The following SUMF1 variants were observed in gnomAD, a reference collection of about 807,000 sequenced individuals.
SUMF1 encodes formylglycine-generating enzyme.
SUMF1 carries 48 observed loss-of-function variants against 47.6 expected under a neutral mutation model. The ratio of observed to expected loss-of-function variants is 1.01; its 90% CI spans 0.80 to 1.28. The LOEUF is 1.28. Among genes scored for constraint, SUMF1 ranks in the 50% most tolerant of loss-of-function variants. The pLI, the probability that SUMF1 is intolerant of heterozygous loss-of-function variation, is 0.00. For missense variants in SUMF1, 571 were observed against 485.4 expected (o/e 1.18, Z -1.66); for synonymous variants, 230 against 192.1 (o/e 1.20, Z -1.63).
intron 8 of SUMF1, among the ~76,000 whole-genome samples, chr3:4,208,350 T>G (rs549219025): frequency 6.6e-6 from 1 of 152,032 alleles, no homozygotes. Flanking sequence ...ATAGGACTAA[T>G]GTTTTCCCTC....
chr3:4,431,670 C>T (rs1354256851), intron 3 of SUMF1, among the ~76,000 whole-genome samples: 2 of 152,306 alleles, frequency 1.3e-5, no homozygotes, highest in Non-Finnish European at 2.9e-5. Context: ...GGCCCTCTGC[C>T]CTTCACCGGC....
At chr3:4,412,106 ACTG>A (rs1448466638) in intron 6 of SUMF1, among the ~76,000 whole-genome samples, 2 of 152,228 alleles carry the variant, frequency 1.3e-5, no homozygotes, top group African/African-American at 2.4e-5. Context: ...TTCTCACCAC[ACTG>A]CTTCCAAAAT....
At chr3:4,134,718 C>A (rs1693881751) in intron 8 of SUMF1, among the ~76,000 whole-genome samples, 1 of 151,936 alleles carries the variant, frequency 6.6e-6, no homozygotes, top group African/African-American at 2.4e-5. Context: ...AATTGATAGT[C>A]CACTAGCAAG....
In SUMF1 at chr3:4,092,931, C is replaced by T. The variant is rs577279146; in HGVS notation, c.1015-24186G>A. Among the ~76,000 whole-genome samples, 8 of 151,902 alleles carry T rather than the reference C, an allele frequency of 5.3e-5. No homozygotes were observed. In the South Asian group the frequency reaches 1.7e-3, roughly 32 times the overall value. The stretch of plus-strand genomic sequence containing the variant: ...GGTGTGTGCCTTACAATATAGAAAG[C>T]TTTGATAAAAGGAAAAAAAAACAAG... On this transcript the variant is annotated intron_variant and NMD_transcript_variant, in intron 8 of 12. Transcript: ENST00000448413.
chr3:4,424,359 A>G (rs1478954474), intron 3 of SUMF1, among the ~76,000 whole-genome samples: 2 of 152,056 alleles, frequency 1.3e-5, no homozygotes, highest in Non-Finnish European at 2.9e-5. Flanking sequence ...CCCAAAACAC[A>G]CTACTTACTT....
intron 8 of SUMF1, chr3:4,316,080 T>C: frequency 1.8e-6 from 1 of 550,324 alleles, no homozygotes; most frequent in Non-Finnish European, 3.2e-6. Context: ...TAACAGTTTT[T>C]GCATTGTTGG....
chr3:4,336,670 A>C (rs538729680), intron 8 of SUMF1, among the ~76,000 whole-genome samples: 26 of 152,372 alleles, frequency 1.7e-4, no homozygotes, highest in African/African-American at 6.3e-4. Context: ...ATAATTTATT[A>C]ATCAGGTCAT....
intron 8 of SUMF1, among the ~76,000 whole-genome samples, chr3:4,206,816 T>C (rs1353518953): frequency 6.6e-6 from 1 of 152,116 alleles, no homozygotes; most frequent in Non-Finnish European, 1.5e-5. Flanking sequence ...ATTCTTTTTT[T>C]TTTAAATTTT....
chr3:4,090,401 G>C (rs1692760447), intron 8 of SUMF1, among the ~76,000 whole-genome samples: 1 of 152,084 alleles, frequency 6.6e-6, no homozygotes, highest in Non-Finnish European at 1.5e-5. Context: ...ATGCAGCTAT[G>C]TGTGAGTGCA....
chr3:4,298,483 C>A (rs1178491599), intron 8 of SUMF1, among the ~76,000 whole-genome samples: 1 of 152,152 alleles, frequency 6.6e-6, no homozygotes, highest in East Asian at 1.9e-4. Flanking sequence ...CCACTGCTGA[C>A]AGCTTCCGAA....
At chr3:4,278,159 T>G (rs1697457116) in intron 8 of SUMF1, among the ~76,000 whole-genome samples, 1 of 152,060 alleles carries the variant, frequency 6.6e-6, no homozygotes, top group African/African-American at 2.4e-5. Context: ...CTGCAACATC[T>G]TTTTGGATGG....
At chr3:4,344,567 C>A (rs992035835) in intron 8 of SUMF1, among the ~76,000 whole-genome samples, 8 of 152,128 alleles carry the variant, frequency 5.3e-5, no homozygotes, top group Non-Finnish European at 1.0e-4. Context: ...GACAAACTCA[C>A]GAAGATGAGA....
intron 2 of SUMF1, among the ~76,000 whole-genome samples, chr3:4,452,490 TCTTA>T (rs1199290465): frequency 6.6e-6 from 1 of 152,244 alleles, no homozygotes; most frequent in Non-Finnish European, 1.5e-5. Context: ...AGAAAAGTGG[TCTTA>T]CTTTACATGC....
At chr3:4,409,194 G>T (rs1701465077) in intron 7 of SUMF1, among the ~76,000 whole-genome samples, 1 of 152,076 alleles carries the variant, frequency 6.6e-6, no homozygotes, top group Admixed American at 6.6e-5. Context: ...TGGCTTTTCT[G>T]CTGGCAATGA....
chr3:4,235,945 G>A (rs1696398084), intron 8 of SUMF1, among the ~76,000 whole-genome samples: 1 of 151,966 alleles, frequency 6.6e-6, no homozygotes, highest in African/African-American at 2.4e-5. Context: ...ATACCAATGT[G>A]TACAATAATT....
intron 8 of SUMF1, among the ~76,000 whole-genome samples, chr3:4,355,825 T>C (rs2125163590): frequency 6.6e-6 from 1 of 152,284 alleles, no homozygotes; most frequent in Admixed American, 6.5e-5. Context: ...CTGTGACTAA[T>C]TCCAAAGGCC....
At chr3:4,362,374 A>G in intron 8 of SUMF1, 120 bp from the exon 9 acceptor site, 1 of 787,720 alleles carries the variant, frequency 1.3e-6, no homozygotes, top group Admixed American at 2.0e-5. Context: ...GCCTGTATGG[A>G]TACTTAACAT....
At chr3:4,284,934 T>C (rs1018299399) in intron 8 of SUMF1, among the ~76,000 whole-genome samples, 4 of 152,192 alleles carry the variant, frequency 2.6e-5, no homozygotes, top group African/African-American at 4.8e-5. Flanking sequence ...TGATATGAAC[T>C]TACTTTATGG....
At chr3:4,382,797 A>T (rs528280408) in intron 7 of SUMF1, among the ~76,000 whole-genome samples, 3 of 128,086 alleles carry the variant, frequency 2.3e-5, no homozygotes, top group Non-Finnish European at 3.8e-5. Context: ...GGAAACCATC[A>T]TTCTCAACAA....
Sources: allele counts gnomAD v4.1 joint callset (sites outside exome capture counted in the v4.1 genomes callset), GRCh38; gene constraint gnomAD v4.1.1; transcripts MANE v1.5; gene names NCBI Gene and HGNC (gene_info 2026-07-23, HGNC 2026-07-21).